Variants in BAG4 observed in about 807,000 individuals in gnomAD.
The protein encoded by BAG4 is BAG family molecular chaperone regulator 4.
A neutral mutation model predicts 52.1 loss-of-function variants in BAG4; 28 were observed. The observed-to-expected ratio is 0.54, with a 90% CI of 0.40 to 0.74. The LOEUF is 0.74. Among genes scored for constraint, BAG4 ranks in the 30% least tolerant of loss-of-function variants. The pLI, the probability that BAG4 is intolerant of heterozygous loss-of-function variation, is 0.00. For synonymous variants in BAG4, 208 were observed against 217.0 expected (o/e 0.96, Z 0.37); for missense variants, 525 against 572.0 (o/e 0.92, Z 0.84).
intron 2 of BAG4, among the ~76,000 whole-genome samples, chr8:38,205,019 G>C (rs1803745519): frequency 6.6e-6 from 1 of 151,800 alleles, no homozygotes; most frequent in Non-Finnish European, 1.5e-5. Flanking sequence ...AGTTCTAACA[G>C]TAAAATATTT....
chr8:38,194,479 C>T (rs939728343), intron 2 of BAG4, among the ~76,000 whole-genome samples: 1 of 144,018 alleles, frequency 6.9e-6, no homozygotes, highest in African/African-American at 2.6e-5. Flanking sequence ...TGCAATAGCG[C>T]GATCTCAGCT....
At chr8:38,187,760 C>T (rs988851740) in intron 1 of BAG4, among the ~76,000 whole-genome samples, 27 of 151,396 alleles carry the variant, frequency 1.8e-4, no homozygotes, top group Admixed American at 5.9e-4. Flanking sequence ...CTGTGGCTCA[C>T]GCCTGTAATC....
intron 3 of BAG4, among the ~76,000 whole-genome samples, chr8:38,208,046 G>C (rs1585667697): frequency 7.0e-6 from 1 of 143,136 alleles, no homozygotes; most frequent in African/African-American, 2.6e-5. Context: ...GCGTGATCTT[G>C]GCTCACTGCA....
intron 2 of BAG4, chr8:38,201,866 ATATATATATATATATTTTTTTTTTTTT>A (rs1461391532): frequency 0.01 from 80 of 7,994 alleles, no homozygotes; most frequent in Admixed American, 0.028. Flanking sequence ...ATATATATAT[ATATATATATATATATTTTTTTTTTTTT>A]TTTTTTTTTT....
intron 1 of BAG4, among the ~76,000 whole-genome samples, chr8:38,179,345 C>T (rs1310122361): frequency 3.3e-5 from 5 of 151,478 alleles, no homozygotes; most frequent in Non-Finnish European, 2.9e-5. Context: ...TAAGTAGAGA[C>T]GGGGTTTTGT....
chr8:38,183,761 T>G (rs1343263621), intron 1 of BAG4, among the ~76,000 whole-genome samples: 1 of 151,706 alleles, frequency 6.6e-6, no homozygotes, highest in East Asian at 2.0e-4. Context: ...GGGCTCAAGC[T>G]ATCCTCCCGC....
At chr8:38,180,781 AAT>A (rs1261456065) in intron 1 of BAG4, among the ~76,000 whole-genome samples, 1 of 152,086 alleles carries the variant, frequency 6.6e-6, no homozygotes, top group Admixed American at 6.6e-5. Context: ...TTACTGCTGC[AAT>A]TTATTAAGAT....
chr8:38,210,147 C>T lies in BAG4; in HGVS notation c.1028C>T (p.Ala343Val), dbSNP rs1483277670. The T allele has an allele frequency of 1.9e-6, 3 of 1,613,980 alleles. No individual in the cohort carries two copies. The highest frequency in any genetic ancestry group is 2.5e-6 in the Non-Finnish European group (3 of 1,180,050). Reference sequence around the variant, plus strand: ...TTGGATTCCCAAGTCCAGTATAGTGCTGAGCCTCAGCTGTATGGTAATGCC... The same window carrying T: ...TTGGATTCCCAAGTCCAGTATAGTGTTGAGCCTCAGCTGTATGGTAATGCC... The part of the protein sequence containing the change: ...DLLDSQVQYS[A>V]EPQLYGNATS... Residue 343 changes from alanine (A) to valine (V), a missense_variant, in exon 5 of 5, where the codon GCT (alanine) becomes GTT (valine). By Grantham distance (64) the Ala-to-Val change is moderately conservative. Around this residue, in one of 2 missense-constraint regions of BAG4, gnomAD observed 238 missense variants for 305.8 expected, o/e 0.78. Coordinates refer to ENST00000287322, the MANE Select transcript of BAG4 (RefSeq NM_004874.4).
intron 1 of BAG4, among the ~76,000 whole-genome samples, chr8:38,179,889 G>A (rs1043181154): frequency 6.6e-6 from 1 of 152,186 alleles, no homozygotes; most frequent in Non-Finnish European, 1.5e-5. Context: ...GTTGAAGTGG[G>A]GAAAGAGGAG....
chr8:38,211,224 T>TC lies in BAG4; in HGVS notation c.*731_*732insC, dbSNP rs1803863606. On this transcript the variant is annotated 3_prime_UTR_variant, in exon 5 of 5. Coordinates refer to ENST00000287322, the MANE Select transcript of BAG4 (RefSeq NM_004874.4). ...CTTCTTTTTTTTTTTTTTTTTTTTTTACCACTTCTGCTGTTCATGGTAGTA... is the reference window on the plus strand; with the variant it reads ...CTTCTTTTTTTTTTTTTTTTTTTTTTCACCACTTCTGCTGTTCATGGTAGTA... The TC allele has an allele frequency of 6.7e-6, 1 of 148,698 alleles. No individual in the cohort carries two copies. Among genetic ancestry groups the TC allele is most frequent in the Non-Finnish European group, 1.5e-5 (1 of 67,244 alleles). 9.2% of individuals were successfully genotyped at this position (148,698 alleles called of 1,614,324 possible). A position where few individuals can be genotyped will look rare whatever the true frequency, so the allele number is the denominator to read the frequency against.
intron 2 of BAG4, among the ~76,000 whole-genome samples, chr8:38,204,565 C>CTAAA (rs1402094353): frequency 6.6e-6 from 1 of 151,394 alleles, no homozygotes; most frequent in African/African-American, 2.4e-5. Flanking sequence ...GCTGAGGTGC[C>CTAAA]AGGATCACTT....
chr8:38,178,208 T>G (rs1049197999), intron 1 of BAG4, among the ~76,000 whole-genome samples: 4 of 150,678 alleles, frequency 2.7e-5, no homozygotes, highest in South Asian at 2.1e-4. Flanking sequence ...CAGGCTGGAG[T>G]GCAGTGGTGC....
chr8:38,201,834 TTATATATATATATATATA>T (rs1161588689), intron 2 of BAG4: 622 of 45,110 alleles, frequency 0.014, 18 homozygotes, highest in Middle Eastern at 0.025. Flanking sequence ...AGTGTGGAAT[TTATATATATATATATATA>T]TATATATATA....
rs187061676 is a variant in BAG4 at position 38,197,777 on chromosome 8, G to A, written c.378+4982G>A. ...TGCAGTGGCGTGATCTCGGCTCTCTGCAACCTCCATCTCCTGGGTTCAAGC... is the reference window on the plus strand; with the variant it reads ...TGCAGTGGCGTGATCTCGGCTCTCTACAACCTCCATCTCCTGGGTTCAAGC... On this transcript the variant is annotated intron_variant, in intron 2 of 4. Transcript: ENST00000287322. 1.6e-3 allele frequency among the ~76,000 whole-genome samples: 246 copies of A among 152,200 alleles called. 2 individuals are homozygous for A. Among genetic ancestry groups the A allele is most frequent in the African/African-American group, 5.5e-3 (230 of 41,522 alleles).
At chr8:38,185,538 T>C (rs1476484709) in intron 1 of BAG4, among the ~76,000 whole-genome samples, 3 of 152,178 alleles carry the variant, frequency 2.0e-5, no homozygotes, top group Non-Finnish European at 4.4e-5. Flanking sequence ...GAAATGGTCC[T>C]AGGGAATATA....
chr8:38,176,889 C>T lies in BAG4; in HGVS notation c.20C>T (p.Ser7Leu), dbSNP rs763796427. The T allele has an allele frequency of 1.9e-6, 3 of 1,540,680 alleles. No homozygotes were observed. Among genetic ancestry groups the T allele is most frequent in the South Asian group, 1.2e-5 (1 of 83,094 alleles). Residue 7 changes from serine (S) to leucine (L), a missense_variant, in exon 1 of 5, where the codon TCG (serine) becomes TTG (leucine). Physicochemically the swap from Ser to Leu is moderately radical, Grantham distance 145. Transcript: ENST00000287322. ...GATCCCATGTCGGCCCTGAGGCGCT[C>T]GGGCTACGGCCCCAGTGACGGTCCG... MSALRR[S>L]GYGPSDGPSY...
chr8:38,177,290 G>C (rs1402908396), intron 1 of BAG4, 151 bp downstream of exon 1: 1 of 1,085,170 alleles, frequency 9.2e-7, no homozygotes, highest in Non-Finnish European at 1.3e-6. Context: ...CAGAGGTTGG[G>C]GGGACATGCT....
intron 2 of BAG4, among the ~76,000 whole-genome samples, chr8:38,203,369 G>A (rs1447271937): frequency 2.1e-5 from 3 of 145,200 alleles, no homozygotes; most frequent in East Asian, 2.1e-4. Flanking sequence ...TGCAAGCTCC[G>A]CCTCCCGAGT....
intron 1 of BAG4, among the ~76,000 whole-genome samples, chr8:38,191,829 A>G (rs1803480615): frequency 6.6e-6 from 1 of 152,092 alleles, no homozygotes; most frequent in South Asian, 2.1e-4. Context: ...AGGATAATAA[A>G]TGTATGTAAT....
Sources: gnomAD v4.1 joint callset for allele counts (sites outside exome capture counted in the v4.1 genomes callset) on GRCh38, gnomAD v4.1.1 for gene constraint, gnomAD v4.1.1 regional missense constraint, MANE v1.5 for transcripts, NCBI Gene and HGNC (gene_info 2026-07-23, HGNC 2026-07-21) for gene names.